AUTS2: variants seen among roughly 807,000 people sequenced by gnomAD.
The protein encoded by AUTS2 is autism susceptibility gene 2 protein.
Under a neutral mutation model 112.4 loss-of-function variants are expected in AUTS2, and 17 were observed. That is an observed-to-expected ratio of 0.15 (90% CI 0.10 to 0.23). The LOEUF is 0.23. Among genes scored for constraint, AUTS2 ranks in the 10% least tolerant of loss-of-function variants. The pLI, the probability that AUTS2 is intolerant of heterozygous loss-of-function variation, is 1.00. For missense variants in AUTS2, 1,510 were observed against 1,701.6 expected, an observed-to-expected ratio of 0.89 and a Z score of 1.98; for synonymous variants, 751 against 702.7, an observed-to-expected ratio of 1.07 and a Z score of -1.09.
intron 5 of AUTS2, among the ~76,000 whole-genome samples, chr7:70,441,457 C>G (rs1053636687): frequency 6.6e-6 from 1 of 152,168 alleles, no homozygotes; most frequent in African/African-American, 2.4e-5. Flanking sequence ...ATAATCTTAG[C>G]TCACTACAGC....
intron 1 of AUTS2, among the ~76,000 whole-genome samples, chr7:69,777,035 C>T (rs1317107742): frequency 2.0e-5 from 3 of 152,174 alleles, no homozygotes; most frequent in African/African-American, 7.2e-5. Context: ...TACCTCTTTC[C>T]CTAACCCACT....
chr7:70,438,298 A>G (rs938695118), intron 5 of AUTS2, among the ~76,000 whole-genome samples: 25 of 152,162 alleles, frequency 1.6e-4, no homozygotes, highest in African/African-American at 5.6e-4. Context: ...ATTTCAGGGT[A>G]ATAAAGCGGA....
chr7:69,909,207 T>C (rs973298897), intron 2 of AUTS2, among the ~76,000 whole-genome samples: 3 of 152,260 alleles, frequency 2.0e-5, no homozygotes, highest in African/African-American at 7.2e-5. Context: ...TCTTCCAAAA[T>C]GTATTGGCAA....
chr7:70,177,945 C>G (rs1488512035), intron 4 of AUTS2, among the ~76,000 whole-genome samples: 2 of 143,078 alleles, frequency 1.4e-5, no homozygotes, highest in Admixed American at 1.4e-4. Flanking sequence ...GAGGTGGAGT[C>G]TTGCGCTGTC....
intron 2 of AUTS2, among the ~76,000 whole-genome samples, chr7:69,914,356 GACACACACAC>G (rs66527808): frequency 2.0e-4 from 27 of 136,100 alleles, no homozygotes; most frequent in South Asian, 7.5e-4. Flanking sequence ...CACACACACA[GACACACACAC>G]ACACACACAC....
chr7:70,149,502 G>A (rs1273123939), intron 4 of AUTS2, among the ~76,000 whole-genome samples: 1 of 151,900 alleles, frequency 6.6e-6, no homozygotes, highest in Non-Finnish European at 1.5e-5. Flanking sequence ...GGATAGTTAC[G>A]ATCTTCCTTT....
chr7:69,678,752 C>T (rs1417586962), intron 1 of AUTS2, among the ~76,000 whole-genome samples: 4 of 152,206 alleles, frequency 2.6e-5, no homozygotes, highest in Non-Finnish European at 5.9e-5. Context: ...AAAGACACGG[C>T]GTGAGCCATT....
chr7:70,370,806 C>G (rs1467296459), intron 4 of AUTS2, among the ~76,000 whole-genome samples: 1 of 151,674 alleles, frequency 6.6e-6, no homozygotes, highest in East Asian at 1.9e-4. Flanking sequence ...TATGAGTGTT[C>G]TAGTTTCTCC....
At chr7:70,194,559 A>G (rs1810075751) in intron 4 of AUTS2, 1 of 152,276 alleles carries the variant, frequency 6.6e-6, no homozygotes, top group South Asian at 2.1e-4. Context: ...GAGTGGTCAC[A>G]TTAATTCTAG....
chr7:70,317,717 C>A (rs924216630), intron 4 of AUTS2, among the ~76,000 whole-genome samples: 2 of 152,164 alleles, frequency 1.3e-5, no homozygotes, highest in Admixed American at 6.5e-5. Flanking sequence ...TGGCACATTG[C>A]CTGACTTAAA....
intron 3 of AUTS2, chr7:70,119,717 A>G (rs1805585073): frequency 1.3e-5 from 2 of 152,130 alleles, no homozygotes; most frequent in Non-Finnish European, 2.9e-5. Flanking sequence ...AGGATGGTCT[A>G]GCATTAACAG....
intron 5 of AUTS2, among the ~76,000 whole-genome samples, chr7:70,585,540 G>A (rs1372939821): frequency 1.3e-5 from 2 of 152,134 alleles, no homozygotes; most frequent in Non-Finnish European, 2.9e-5. Flanking sequence ...GCTTCTAGTC[G>A]GTCATACAGA....
intron 1 of AUTS2, among the ~76,000 whole-genome samples, chr7:69,667,482 C>A (rs574533351): frequency 3.3e-5 from 5 of 151,084 alleles, no homozygotes; most frequent in East Asian, 2.0e-4. Context: ...CAGCCTCCTG[C>A]GTAGTTGGGA....
intron 1 of AUTS2, among the ~76,000 whole-genome samples, chr7:69,629,856 T>C (rs1345585688): frequency 2.0e-5 from 3 of 151,974 alleles, no homozygotes; most frequent in Non-Finnish European, 2.9e-5. Context: ...CAGTGAGCTG[T>C]AGAAAATGGT....
rs187434812 is a variant in AUTS2, at chr7:70,123,901, T to A, written c.624+5668T>A. 3.3e-5 allele frequency among the ~76,000 whole-genome samples: 5 copies of A among 152,314 alleles called. No homozygotes were observed. The East Asian group carries it at 9.7e-4, about 29-fold the overall frequency. ...TTGCTGGGTCAAATGGTAGTTATGC[T>A]TTTAGCTTTTGAGGAATCATCATAT... On this transcript the variant is annotated intron_variant, in intron 3 of 18. Coordinates refer to ENST00000342771, the MANE Select transcript of AUTS2 (RefSeq NM_015570.4).
intron 2 of AUTS2, among the ~76,000 whole-genome samples, chr7:69,961,655 A>G (rs768452197): frequency 6.6e-5 from 10 of 152,154 alleles, no homozygotes; most frequent in South Asian, 2.1e-4. Flanking sequence ...ATGTCAGGCC[A>G]ATTTATTTAG....
chr7:70,526,168 C>A (rs971075843), intron 5 of AUTS2, among the ~76,000 whole-genome samples: 11 of 152,160 alleles, frequency 7.2e-5, no homozygotes, highest in African/African-American at 2.7e-4. Flanking sequence ...TCTTCCTTTC[C>A]ACTAATGTAG....
At chr7:70,478,459 G>T (rs188998867) in intron 5 of AUTS2, among the ~76,000 whole-genome samples, 233 of 152,200 alleles carry the variant, frequency 1.5e-3, no homozygotes, top group Non-Finnish European at 2.7e-3. Flanking sequence ...TCAAGAAGAA[G>T]GAATGACTAA....
In AUTS2 at chr7:69,977,015, A is replaced by C. The variant is rs148629330; in HGVS notation, c.522+77517A>C. Among the ~76,000 whole-genome samples, 856 of 152,294 alleles carry C rather than the reference A, an allele frequency of 5.6e-3. 10 individuals are homozygous for C. Among genetic ancestry groups the C allele is most frequent in the African/African-American group, 0.02 (819 of 41,570 alleles). ...TTGTCACATCCAAGAAAGATTGTCAAATCCAATGTCATGAAGCTTTTCCTC... is the reference window on the plus strand; with the variant it reads ...TTGTCACATCCAAGAAAGATTGTCACATCCAATGTCATGAAGCTTTTCCTC... On this transcript the variant is annotated intron_variant, in intron 2 of 18. Coordinates refer to ENST00000342771, the MANE Select transcript of AUTS2 (RefSeq NM_015570.4).
Sources: allele counts gnomAD v4.1 joint callset (sites outside exome capture counted in the v4.1 genomes callset), GRCh38; gene constraint gnomAD v4.1.1; transcripts MANE v1.5; gene names NCBI Gene and HGNC (gene_info 2026-07-23, HGNC 2026-07-21).